GBP2: variants seen among roughly 807,000 people sequenced by gnomAD.
GBP2 encodes guanylate-binding protein 2.
In GBP2, 54 loss-of-function variants were observed where a neutral mutation model predicts 60.8. The ratio of observed to expected loss-of-function variants is 0.89; its 90% CI spans 0.71 to 1.11. The LOEUF (loss-of-function observed/expected upper bound fraction) is 1.11, where lower values mean the gene tolerates loss of function less well. Ranked by LOEUF, GBP2 falls within the 50% of genes most tolerant of loss-of-function variation. The probability of loss-of-function intolerance (pLI) is 0.00; values close to 1 mark genes in which losing one functional copy is unlikely to be tolerated. For missense variants in GBP2, 665 were observed against 703.3 expected (o/e 0.95, Z 0.62); for synonymous variants, 243 against 256.5 (o/e 0.95, Z 0.50).
In GBP2 at chr1:89,122,281, T is replaced by C. The variant is rs181220673; in HGVS notation, c.-17-298A>G. Among the ~76,000 whole-genome samples, 3 of 152,306 alleles carry C rather than the reference T, an allele frequency of 2.0e-5. No homozygotes were observed. In the East Asian group the frequency reaches 5.8e-4, roughly 29 times the overall value. ...TAACCATAGAACAAGGATTTTAACATTGGTAGAGTGATAACTAATTTACAC... is the reference window on the plus strand; with the variant it reads ...TAACCATAGAACAAGGATTTTAACACTGGTAGAGTGATAACTAATTTACAC... On this transcript the variant is annotated intron_variant, in intron 1 of 10. Transcript: ENST00000370466.
Position 89,126,053 on chromosome 1 carries a change from T to C in GBP2, c.-208A>G, listed in dbSNP as rs753512673. 6.6e-6 allele frequency: 1 copy of C among 152,204 alleles called. No individual in the cohort carries two copies. Among genetic ancestry groups the C allele is most frequent in the Non-Finnish European group, 1.5e-5 (1 of 68,040 alleles). The allele number at this position is 152,204 out of a possible 1,614,324, so 9.4% of individuals were successfully genotyped here. A position where few individuals can be genotyped will look rare whatever the true frequency, so the allele number is the denominator to read the frequency against. ...TCCTCCAACGTCCAGGCTCTGTCAA[T>C]GTCAGAGACCTGACGAGAGACAAGA... On this transcript the variant is annotated 5_prime_UTR_variant, in exon 1 of 11. Coordinates refer to ENST00000370466, the MANE Select transcript of GBP2 (RefSeq NM_004120.5).
chr1:89,113,712 C>T (rs1450170465), intron 7 of GBP2, among the ~76,000 whole-genome samples: 1 of 151,996 alleles, frequency 6.6e-6, no homozygotes, highest in Admixed American at 6.5e-5. Flanking sequence ...AACATAAAAA[C>T]AATGTATTTT....
intron 4 of GBP2, chr1:89,119,882 C>A (rs1200401159): frequency 6.7e-6 from 2 of 299,852 alleles, no homozygotes; most frequent in African/African-American, 4.4e-5. Flanking sequence ...TAGAGAGTTG[C>A]AGAAGTGAGA....
intron 3 of GBP2, among the ~76,000 whole-genome samples, chr1:89,120,821 C>T (rs1681381051): frequency 6.6e-6 from 1 of 152,264 alleles, no homozygotes; most frequent in East Asian, 1.9e-4. Flanking sequence ...AAAAGTCAGA[C>T]ATGTTTGTAA....
intron 10 of GBP2, among the ~76,000 whole-genome samples, chr1:89,108,901 T>TTCTTC (rs1557437095): frequency 1.4e-5 from 2 of 140,814 alleles, no homozygotes; most frequent in African/African-American, 5.3e-5. Flanking sequence ...GAATCTTTCT[T>TTCTTC]TTTTTTTTTT....
chr1:89,109,578 G>A, intron 10 of GBP2, 99 bp downstream of exon 10: 1 of 972,322 alleles, frequency 1.0e-6, no homozygotes, highest in Non-Finnish European at 1.6e-6. Context: ...TAGTGTCTGG[G>A]CTAGAAAGTT....
chr1:89,108,190 T>TGG lies in GBP2; in HGVS notation c.1760_1761insCC (p.Cys588HisfsTer51). 1.2e-5 allele frequency: 19 copies of TGG among 1,608,106 alleles called. No individual in the cohort carries two copies. The highest frequency in any genetic ancestry group is 1.5e-5 in the Non-Finnish European group (18 of 1,175,230). On this transcript the variant is annotated frameshift_variant, in exon 11 of 11. Coordinates refer to ENST00000370466, the MANE Select transcript of GBP2 (RefSeq NM_004120.5). LOFTEE classifies it high-confidence loss of function. ...CCTTGGACTTTTAGAGTATGTTACA[T>TGG]ATTGGCTCCAATGATTTGCTTCTCA...
Position 89,117,031 on chromosome 1 carries a change from C to A in GBP2, c.829G>T (p.Val277Phe). 1 of 1,614,042 alleles carries A rather than the reference C, an allele frequency of 6.2e-7. No homozygotes were observed. The highest frequency in any genetic ancestry group is 2.2e-5 in the East Asian group (1 of 44,866). The change falls in exon 6 of 11, where the codon GTC becomes TTC. Residue 277 changes from valine to phenylalanine, a missense_variant. Physicochemically the swap from Val to Phe is conservative, Grantham distance 50. Transcript: ENST00000370466. ...GGAATGCCACCTGAAAGAGTCTTGA[C>A]ATTGGAATGGCTGAGGATGTAGGAA... ...FCSYILSHSN[V>F]KTLSGGIPVN... is the part of the protein sequence containing the mutation.
intron 1 of GBP2, among the ~76,000 whole-genome samples, chr1:89,123,296 C>G (rs1681447111): frequency 6.6e-6 from 1 of 152,208 alleles, no homozygotes; most frequent in Non-Finnish European, 1.5e-5. Context: ...TAGGCCCTCT[C>G]AGGTGGAAAG....
intron 8 of GBP2, 25 bp from the exon 9 acceptor site, chr1:89,110,291 T>A: frequency 6.4e-7 from 1 of 1,565,828 alleles, no homozygotes; most frequent in East Asian, 2.2e-5. Context: ...AAAGGTAGAA[T>A]GAAGAAAGAG....
At chr1:89,114,567 C>T (rs1453614835) in intron 6 of GBP2, among the ~76,000 whole-genome samples, 2 of 152,158 alleles carry the variant, frequency 1.3e-5, no homozygotes, top group African/African-American at 4.8e-5. Context: ...TTTCTTTTCT[C>T]TCACCTCTCC....
Position 89,121,891 on chromosome 1 carries a change from C to T in GBP2, c.76G>A (p.Glu26Lys). ...NTKGQLVVNP[E>K]ALKILSAITQ... ...ATTGCAGATAGGATCTTCAGAGCTT[C>T]TGGATTCACCACCAGCTGCCCTTTA... is the stretch of plus-strand genomic sequence containing the variant. Residue 26 changes from glutamate to lysine, a missense_variant, in exon 2 of 11, where the codon GAA becomes AAA. Glu to Lys is a moderately conservative substitution (Grantham distance 56, BLOSUM62 1). Transcript: ENST00000370466. 6.2e-7 allele frequency: 1 copy of T among 1,614,102 alleles called. No homozygotes were observed. The highest frequency in any genetic ancestry group is 8.5e-7 in the Non-Finnish European group (1 of 1,179,994).
chr1:89,121,420 A>T lies in GBP2; in HGVS notation c.191-150T>A, dbSNP rs12068746. The T allele has an allele frequency of 5.8e-3, 4,027 of 698,416 alleles. 125 individuals are homozygous for T. The African/African-American group carries it at 0.065, about 11-fold the overall frequency. 43.3% of individuals were successfully genotyped at this position (698,416 alleles called of 1,614,324 possible). On this transcript the variant is annotated intron_variant, in intron 2 of 10. Coordinates refer to ENST00000370466, the MANE Select transcript of GBP2 (RefSeq NM_004120.5). ...TTACAATCCTGGAAACAGGAAAATT[A>T]GATATTTAATACACACTGAAACATT...
intron 10 of GBP2, among the ~76,000 whole-genome samples, 155 bp downstream of exon 10, chr1:89,109,522 A>G (rs1050078363): frequency 6.6e-6 from 1 of 152,246 alleles, no homozygotes. Flanking sequence ...GTCTTTACTA[A>G]CCAGAGATGA....
intron 1 of GBP2, among the ~76,000 whole-genome samples, chr1:89,125,025 C>CTTGATAATTTGATAATTTGATAAT (rs1681493018): frequency 6.6e-6 from 1 of 152,146 alleles, no homozygotes; most frequent in Non-Finnish European, 1.5e-5. Context: ...TTAACCAGGC[C>CTTGATAATTTGATAATTTGATAAT]TTGATAATTT....
intron 4 of GBP2, 200 bp from the exon 5 acceptor site, chr1:89,117,973 G>A (rs150481988): frequency 1.5e-4 from 71 of 485,914 alleles, no homozygotes; most frequent in African/African-American, 1.3e-3. Context: ...GACTAAGAAC[G>A]CTGTAATGAA....
At chr1:89,122,089 T>C (rs1242483288) in intron 1 of GBP2, 106 bp from the exon 2 acceptor site, 1 of 705,536 alleles carries the variant, frequency 1.4e-6, no homozygotes. Flanking sequence ...TTGAACATTT[T>C]TTCATATACG....
intron 3 of GBP2, 44 bp from the exon 4 acceptor site, chr1:89,120,332 A>G (rs1681373354): frequency 1.4e-6 from 2 of 1,438,312 alleles, no homozygotes; most frequent in East Asian, 2.3e-5. Context: ...GACTAGCAGA[A>G]TGTACAATCA....
chr1:89,114,496 T>C (rs1003213611), intron 6 of GBP2, among the ~76,000 whole-genome samples, 200 bp from the exon 7 acceptor site: 3 of 152,230 alleles, frequency 2.0e-5, no homozygotes, highest in African/African-American at 4.8e-5. Flanking sequence ...AAGGAAGATA[T>C]TGAAATGAAT....
Sources: allele counts gnomAD v4.1 joint callset (sites outside exome capture counted in the v4.1 genomes callset), GRCh38; gene constraint gnomAD v4.1.1; transcripts MANE v1.5; gene names NCBI Gene and HGNC (gene_info 2026-07-23, HGNC 2026-07-21).